The following MAGI1 variants were observed in gnomAD, a reference collection of about 807,000 sequenced individuals.
MAGI1 encodes the protein membrane associated guanylate kinase, WW and PDZ domain containing 1, also known as membrane-associated guanylate kinase, WW and PDZ domain-containing protein 1.
A neutral mutation model predicts 139.9 loss-of-function variants in MAGI1; 58 were observed. That is an observed-to-expected ratio of 0.41 (90% confidence interval 0.34 to 0.52). The LOEUF is 0.52. MAGI1 is among the 20% of genes least tolerant of loss of function. The probability of loss-of-function intolerance (pLI) is 0.12; values close to 1 mark genes in which losing one functional copy is unlikely to be tolerated. For synonymous variants in MAGI1, 812 were observed against 737.9 expected (o/e 1.10, Z -1.63); for missense variants, 1,874 against 1,901.6 (o/e 0.99, Z 0.27).
At chr3:65,769,516 T>C (rs2037772822) in intron 1 of MAGI1, among the ~76,000 whole-genome samples, 1 of 152,092 alleles carries the variant, frequency 6.6e-6, no homozygotes, top group East Asian at 1.9e-4. Context: ...AAAAATAAAG[T>C]TCATCAATAT....
At chr3:65,732,648 C>A (rs982748166) in intron 1 of MAGI1, among the ~76,000 whole-genome samples, 1 of 152,306 alleles carries the variant, frequency 6.6e-6, no homozygotes, top group Admixed American at 6.5e-5. Flanking sequence ...ATACAAAACT[C>A]TTTTGAGACT....
In MAGI1 at chr3:65,993,757, T is replaced by TCA. The variant is rs1360684390; in HGVS notation, c.313+44237_313+44238dup. ...GCATTACCTGTAGCTAATAAATCAC[T>TCA]CACACACACACATAGCTTGGGGTCA... On this transcript the variant is annotated intron_variant, in intron 1 of 22. Coordinates refer to ENST00000402939, the MANE Select transcript of MAGI1 (RefSeq NM_001033057.2). Among the ~76,000 whole-genome samples the TCA allele has an allele frequency of 7.2e-5, 11 of 152,090 alleles. No individual in the cohort carries two copies. In the South Asian group the frequency reaches 1.0e-3, roughly 14 times the overall value.
At chr3:65,374,115 A>G (rs1052100316) in intron 18 of MAGI1, among the ~76,000 whole-genome samples, 28 of 152,224 alleles carry the variant, frequency 1.8e-4, no homozygotes, top group African/African-American at 6.3e-4. Flanking sequence ...TTCATAAACT[A>G]GATTTTTTCT....
chr3:65,402,640 T>C (rs1236433396), intron 12 of MAGI1, among the ~76,000 whole-genome samples: 1 of 152,078 alleles, frequency 6.6e-6, no homozygotes, highest in Admixed American at 6.5e-5. Flanking sequence ...CTAGGGAGTG[T>C]GACGATCTCA....
intron 1 of MAGI1, among the ~76,000 whole-genome samples, chr3:65,629,839 A>T (rs1576534409): frequency 6.6e-6 from 1 of 151,484 alleles, no homozygotes; most frequent in South Asian, 2.1e-4. Flanking sequence ...ATGCTGAAAA[A>T]GTTCTAGAAA....
chr3:65,567,470 C>G (rs2080720285), intron 2 of MAGI1, among the ~76,000 whole-genome samples: 1 of 152,142 alleles, frequency 6.6e-6, no homozygotes, highest in Non-Finnish European at 1.5e-5. Flanking sequence ...AAAAGTCCTA[C>G]TACGGAAAGC....
chr3:65,554,079 A>T lies in MAGI1; in HGVS notation c.431-60448T>A, dbSNP rs531840391. On this transcript the variant is annotated intron_variant, in intron 2 of 22. Coordinates refer to ENST00000402939, the MANE Select transcript of MAGI1 (RefSeq NM_001033057.2). ...AATTGTAATACCACAGATATACTGTATATCTGTTTAGGTATTGTAGGTAGA... is the reference window on the plus strand; with the variant it reads ...AATTGTAATACCACAGATATACTGTTTATCTGTTTAGGTATTGTAGGTAGA... Among the ~76,000 whole-genome samples, 7 of 152,214 alleles carry T rather than the reference A, an allele frequency of 4.6e-5. No homozygotes were observed. In the East Asian group the frequency reaches 1.4e-3, roughly 29 times the overall value.
At chr3:65,682,959 CTCAGA>C (rs1372809491) in intron 1 of MAGI1, among the ~76,000 whole-genome samples, 2 of 152,086 alleles carry the variant, frequency 1.3e-5, no homozygotes, top group East Asian at 3.9e-4. Flanking sequence ...ACTGTTCCAC[CTCAGA>C]TCATTAGGCA....
intron 1 of MAGI1, among the ~76,000 whole-genome samples, chr3:65,741,759 T>C (rs1404287145): frequency 6.6e-6 from 1 of 152,168 alleles, no homozygotes; most frequent in Admixed American, 6.5e-5. Context: ...CATCAAAGGA[T>C]GTGTTTCATT....
chr3:65,773,856 A>C (rs764495011), intron 1 of MAGI1, among the ~76,000 whole-genome samples: 3 of 152,200 alleles, frequency 2.0e-5, no homozygotes, highest in Non-Finnish European at 4.4e-5. Flanking sequence ...TATAAAGATT[A>C]AAATTTTTAT....
chr3:65,531,363 G>A (rs564120536), intron 2 of MAGI1, among the ~76,000 whole-genome samples: 1 of 152,188 alleles, frequency 6.6e-6, no homozygotes, highest in East Asian at 1.9e-4. Context: ...TACAGTGCAT[G>A]CCTAATACAT....
intron 1 of MAGI1, among the ~76,000 whole-genome samples, chr3:65,678,470 A>C (rs2107500972): frequency 6.6e-6 from 1 of 152,324 alleles, no homozygotes; most frequent in East Asian, 1.9e-4. Context: ...CTAACAAAAC[A>C]AAAGAGCTAC....
chr3:65,454,191 G>A lies in MAGI1; in HGVS notation c.960-851C>T, dbSNP rs75248818. On this transcript the variant is annotated intron_variant, in intron 5 of 22. Coordinates refer to ENST00000402939, the MANE Select transcript of MAGI1 (RefSeq NM_001033057.2). ...CAGGGCACCATGCAGCTAAGTGGGT[G>A]GGGCAAACAACTCCAGTCCAGTAGT... is the stretch of plus-strand genomic sequence containing the variant. Among the ~76,000 whole-genome samples the A allele has an allele frequency of 6.3e-3, 952 of 152,260 alleles. 12 individuals are homozygous for A. The highest frequency in any genetic ancestry group is 0.02 in the African/African-American group (844 of 41,534).
chr3:65,933,932 C>G (rs1004351006), intron 1 of MAGI1, among the ~76,000 whole-genome samples: 1 of 152,072 alleles, frequency 6.6e-6, no homozygotes, highest in Admixed American at 6.6e-5. Flanking sequence ...TCGAGACCAG[C>G]CTGACCAACA....
intron 1 of MAGI1, among the ~76,000 whole-genome samples, chr3:65,833,361 C>T (rs1014011454): frequency 6.6e-6 from 1 of 151,992 alleles, no homozygotes; most frequent in Non-Finnish European, 1.5e-5. Context: ...TCAAGTGATC[C>T]GCCCGCCTCA....
chr3:65,399,932 C>T (rs1288803403), intron 13 of MAGI1, among the ~76,000 whole-genome samples: 2 of 152,194 alleles, frequency 1.3e-5, no homozygotes, highest in Non-Finnish European at 2.9e-5. Context: ...ATGTCTCCCT[C>T]AGCACACTCC....
chr3:65,471,181 G>T (rs1486054960), intron 4 of MAGI1, among the ~76,000 whole-genome samples: 2 of 152,106 alleles, frequency 1.3e-5, no homozygotes, highest in African/African-American at 4.8e-5. Context: ...CTTAAAAGAA[G>T]GCTCGAAATA....
intron 1 of MAGI1, among the ~76,000 whole-genome samples, chr3:65,935,565 TGA>T (rs2063010947): frequency 6.6e-6 from 1 of 152,156 alleles, no homozygotes; most frequent in Non-Finnish European, 1.5e-5. Context: ...GAGGCTGCAG[TGA>T]GCCATGAGGC....
intron 1 of MAGI1, among the ~76,000 whole-genome samples, chr3:65,792,295 T>C (rs2039835560): frequency 6.6e-6 from 1 of 151,920 alleles, no homozygotes; most frequent in South Asian, 2.1e-4. Flanking sequence ...TGAAACCCCG[T>C]CTCTACTAAA....
Sources: gnomAD v4.1 joint callset for allele counts (sites outside exome capture counted in the v4.1 genomes callset) on GRCh38, gnomAD v4.1.1 for gene constraint, MANE v1.5 for transcripts, NCBI Gene and HGNC (gene_info 2026-07-23, HGNC 2026-07-21) for gene names.